The following DOK5 variants were observed in gnomAD, a reference collection of about 807,000 sequenced individuals.
The protein encoded by DOK5 is docking protein 5.
In DOK5, 27 loss-of-function variants were observed where a neutral mutation model predicts 43.3. That is an observed-to-expected ratio of 0.62 (90% CI 0.46 to 0.86). The LOEUF (loss-of-function observed/expected upper bound fraction) is 0.86, where lower values mean the gene tolerates loss of function less well. Ranked by LOEUF, DOK5 falls within the 40% of genes least tolerant of loss-of-function variation. The probability of loss-of-function intolerance (pLI) is 0.00; values close to 1 mark genes in which losing one functional copy is unlikely to be tolerated. For missense variants in DOK5, 373 were observed against 392.9 expected (o/e 0.95, Z 0.43); for synonymous variants, 146 against 140.1 (o/e 1.04, Z -0.30).
chr20:54,552,390 A>G (rs1984559296), intron 1 of DOK5, among the ~76,000 whole-genome samples: 1 of 152,034 alleles, frequency 6.6e-6, no homozygotes, highest in Non-Finnish European at 1.5e-5. Flanking sequence ...TATCCTGCAG[A>G]CAGATAATAT....
At chr20:54,637,633 A>G (rs1327321427) in intron 6 of DOK5, among the ~76,000 whole-genome samples, 1 of 152,232 alleles carries the variant, frequency 6.6e-6, no homozygotes, top group East Asian at 1.9e-4. Context: ...CGGGACCTAA[A>G]GTTTCAGCAT....
rs745756056 is a variant in DOK5, at chr20:54,588,516, C to A, written c.208C>A (p.Arg70=). ...TELNNVKNVA[R]LPKSTKKHAI... is the part of the protein sequence containing the mutation. ...ACTCAATAATGTGAAGAACGTAGCTCGATTGCCAAAAAGCACCAAGAAACA... is the reference window on the plus strand; with the variant it reads ...ACTCAATAATGTGAAGAACGTAGCTAGATTGCCAAAAAGCACCAAGAAACA... Residue 70 remains arginine (R), a synonymous_variant, in exon 3 of 8, where the codon CGA becomes AGA. Transcript: ENST00000262593. The A allele has an allele frequency of 3.5e-5, 57 of 1,613,978 alleles. No homozygotes were observed. The South Asian group carries it at 5.9e-4, about 17-fold the overall frequency.
intron 1 of DOK5, among the ~76,000 whole-genome samples, chr20:54,521,311 G>A (rs1442045433): frequency 2.0e-5 from 3 of 152,008 alleles, no homozygotes; most frequent in Non-Finnish European, 4.4e-5. Flanking sequence ...AGCTTGTAGA[G>A]ATCCCGCTGG....
chr20:54,629,619 A>C (rs1218568246), intron 6 of DOK5, among the ~76,000 whole-genome samples: 1 of 152,252 alleles, frequency 6.6e-6, no homozygotes, highest in African/African-American at 2.4e-5. Flanking sequence ...AAGAAGCAGG[A>C]GTACAACAGA....
intron 1 of DOK5, among the ~76,000 whole-genome samples, chr20:54,516,317 C>T (rs973342649): frequency 6.6e-5 from 10 of 152,110 alleles, no homozygotes; most frequent in Non-Finnish European, 1.3e-4. Context: ...AATTGGGGTT[C>T]TAATTCAGTC....
intron 2 of DOK5, among the ~76,000 whole-genome samples, chr20:54,582,194 CTG>C (rs1985668063): frequency 6.6e-6 from 1 of 151,818 alleles, no homozygotes; most frequent in African/African-American, 2.4e-5. Context: ...ACCCTTGTAT[CTG>C]AGAGATAAAC....
At chr20:54,522,735 G>A (rs1014174345) in intron 1 of DOK5, among the ~76,000 whole-genome samples, 2 of 151,952 alleles carry the variant, frequency 1.3e-5, no homozygotes, top group Non-Finnish European at 2.9e-5. Flanking sequence ...GGCTGGTCTT[G>A]AAATCCTGAC....
rs752457522 is a variant in DOK5 at position 54,614,439 on chromosome 20, C to T, written c.735+3916C>T. Among the ~76,000 whole-genome samples, 17 of 152,208 alleles carry T rather than the reference C, an allele frequency of 1.1e-4. No homozygotes were observed. The Middle Eastern group carries it at 0.01, about 91-fold the overall frequency. On this transcript the variant is annotated intron_variant, in intron 6 of 7. Transcript: ENST00000262593. ...AACATGTCATTGTATTAGTGTTGTGCGGCTATTCCATTAGATCCCTTTAGG... is the reference window on the plus strand; with the variant it reads ...AACATGTCATTGTATTAGTGTTGTGTGGCTATTCCATTAGATCCCTTTAGG...
chr20:54,620,329 C>G (rs1458473020), intron 6 of DOK5, among the ~76,000 whole-genome samples: 1 of 152,190 alleles, frequency 6.6e-6, no homozygotes, highest in East Asian at 1.9e-4. Flanking sequence ...ACCCCCGCCT[C>G]CCGGGTTCAA....
At chr20:54,480,984 C>CATCT (rs1568746215) in intron 1 of DOK5, among the ~76,000 whole-genome samples, 1 of 33,958 alleles carries the variant, frequency 2.9e-5, no homozygotes, top group African/African-American at 6.2e-5. Context: ...ATCTATCTAT[C>CATCT]ATCTATCATC....
chr20:54,584,276 A>G (rs1014407123), intron 2 of DOK5, among the ~76,000 whole-genome samples: 1 of 151,452 alleles, frequency 6.6e-6, no homozygotes, highest in Non-Finnish European at 1.5e-5. Context: ...CGTATTTGTG[A>G]TTTAAAAAAT....
intron 6 of DOK5, among the ~76,000 whole-genome samples, chr20:54,624,474 T>C (rs1391336501): frequency 6.6e-6 from 1 of 152,096 alleles, no homozygotes; most frequent in African/African-American, 2.4e-5. Context: ...GTTTGTTGAA[T>C]GAACAAAATA....
intron 5 of DOK5, among the ~76,000 whole-genome samples, chr20:54,608,005 A>G (rs964134854): frequency 6.6e-6 from 1 of 152,218 alleles, no homozygotes; most frequent in African/African-American, 2.4e-5. Flanking sequence ...GCATTCCACC[A>G]CTAGTATTAC....
chr20:54,635,603 T>C (rs1978787039), intron 6 of DOK5, among the ~76,000 whole-genome samples: 1 of 152,216 alleles, frequency 6.6e-6, no homozygotes, highest in African/African-American at 2.4e-5. Flanking sequence ...GTCTCACCTA[T>C]CTGGATCAAA....
intron 1 of DOK5, among the ~76,000 whole-genome samples, chr20:54,522,214 T>TA (rs550518861): frequency 6.6e-6 from 1 of 151,862 alleles, no homozygotes; most frequent in Non-Finnish European, 1.5e-5. Context: ...TGATGAGCTT[T>TA]AAAAAAAAGC....
intron 1 of DOK5, among the ~76,000 whole-genome samples, chr20:54,527,963 T>C (rs148445887): frequency 0.052 from 7,975 of 152,236 alleles, 242 homozygotes; most frequent in East Asian, 0.1. Context: ...TCCCAGCATT[T>C]TGGGAGGCTG....
chr20:54,568,075 T>C (rs983109583), intron 2 of DOK5, among the ~76,000 whole-genome samples: 1 of 152,230 alleles, frequency 6.6e-6, no homozygotes, highest in African/African-American at 2.4e-5. Context: ...TAATTGTCTT[T>C]GCATTTTGGG....
intron 1 of DOK5, among the ~76,000 whole-genome samples, chr20:54,538,129 A>C (rs1984020579): frequency 6.6e-6 from 1 of 151,708 alleles, no homozygotes; most frequent in African/African-American, 2.4e-5. Flanking sequence ...GAGCCACTGC[A>C]CTTGGCCACA....
intron 1 of DOK5, among the ~76,000 whole-genome samples, chr20:54,532,384 G>A (rs1330514246): frequency 6.6e-6 from 1 of 152,152 alleles, no homozygotes; most frequent in Admixed American, 6.5e-5. Context: ...AGAGAAGAAG[G>A]CATTAGGAGA....
Sources: gnomAD v4.1 joint callset for allele counts (sites outside exome capture counted in the v4.1 genomes callset) on GRCh38, gnomAD v4.1.1 for gene constraint, MANE v1.5 for transcripts, NCBI Gene and HGNC (gene_info 2026-07-23, HGNC 2026-07-21) for gene names.